The following LARP1B variants were observed in gnomAD, a reference collection of about 807,000 sequenced individuals.
LARP1B encodes the protein la-related protein 1B.
LARP1B carries 76 observed loss-of-function variants against 114.2 expected under a neutral mutation model. The ratio of observed to expected loss-of-function variants is 0.67; its 90% CI spans 0.55 to 0.81. The LOEUF (loss-of-function observed/expected upper bound fraction) is 0.81. Ranked by LOEUF, LARP1B falls within the 30% of genes least tolerant of loss-of-function variation. LARP1B has a pLI of 0.00. For synonymous variants in LARP1B, 345 were observed against 348.0 expected, an observed-to-expected ratio of 0.99 and a Z score of 0.10; for missense variants, 1,014 against 1,075.8, an observed-to-expected ratio of 0.94 and a Z score of 0.80.
intron 11 of LARP1B, among the ~76,000 whole-genome samples, chr4:128,136,002 A>C (rs1254038159): frequency 6.6e-6 from 1 of 152,108 alleles, no homozygotes; most frequent in Non-Finnish European, 1.5e-5. Context: ...AGAAAACTTA[A>C]TACACATAGG....
intron 12 of LARP1B, among the ~76,000 whole-genome samples, chr4:128,173,576 G>A (rs574517600): frequency 6.6e-6 from 1 of 152,210 alleles, no homozygotes; most frequent in Non-Finnish European, 1.5e-5. Flanking sequence ...GATAAAATTT[G>A]GAAAATCTTA....
At chr4:128,147,430 G>C (rs1487282779) in intron 11 of LARP1B, among the ~76,000 whole-genome samples, 1 of 152,122 alleles carries the variant, frequency 6.6e-6, no homozygotes, top group East Asian at 1.9e-4. Context: ...GCAATATTTG[G>C]ATATATGTAC....
At chr4:128,122,679 T>C in intron 11 of LARP1B, 1 of 1,334,614 alleles carries the variant, frequency 7.5e-7, no homozygotes, top group African/African-American at 1.5e-5. Context: ...GTGGAAATGG[T>C]TGTGGACAAA....
chr4:128,155,493 C>T, intron 11 of LARP1B: 1 of 787,366 alleles, frequency 1.3e-6, no homozygotes, highest in Middle Eastern at 2.3e-4. Context: ...AGCAGAAGTT[C>T]CACCTCGTGC....
At chr4:128,220,664 TTGCTTTGGTA>T (rs1253928447) in intron 7 of LARP1B, among the ~76,000 whole-genome samples, 7 of 152,216 alleles carry the variant, frequency 4.6e-5, no homozygotes, top group African/African-American at 1.7e-4. Context: ...GGAAATACTT[TTGCTTTGGTA>T]TTGTCCTTTC....
intron 6 of LARP1B, among the ~76,000 whole-genome samples, chr4:128,217,021 G>A (rs1192479440): frequency 2.0e-5 from 3 of 151,136 alleles, no homozygotes; most frequent in Non-Finnish European, 4.4e-5. Flanking sequence ...ACAACTCTAC[G>A]CAAATAAACT....
chr4:128,146,791 T>C (rs143985088), intron 11 of LARP1B, among the ~76,000 whole-genome samples: 25 of 152,324 alleles, frequency 1.6e-4, no homozygotes, highest in African/African-American at 5.5e-4. Context: ...AGAACAGTTA[T>C]TTAAAAATAG....
chr4:128,200,969 G>C (rs1053173719), intron 17 of LARP1B, among the ~76,000 whole-genome samples: 22 of 152,204 alleles, frequency 1.4e-4, no homozygotes, highest in African/African-American at 4.8e-4. Flanking sequence ...TCTGGCTTAT[G>C]GTTTCTCATG....
At chr4:128,222,508 A>G (rs747779297) in exon 8 of LARP1B, 2 of 326,434 alleles carry the variant, frequency 6.1e-6, no homozygotes, top group Non-Finnish European at 1.3e-5. Flanking sequence ...CATCTTACAA[A>G]CCATATTTCT....
intron 5 of LARP1B, 76 bp downstream of exon 5, chr4:128,082,381 T>C (rs1400359520): frequency 7.6e-7 from 1 of 1,312,346 alleles, no homozygotes; most frequent in African/African-American, 1.5e-5. Flanking sequence ...TAACCACATG[T>C]ATAAACCATT....
intron 15 of LARP1B, among the ~76,000 whole-genome samples, chr4:128,181,499 C>A (rs1748374560): frequency 6.6e-6 from 1 of 152,006 alleles, no homozygotes; most frequent in South Asian, 2.1e-4. Context: ...ATTCTTCATT[C>A]TTTTTTCTCT....
intron 7 of LARP1B, among the ~76,000 whole-genome samples, chr4:128,095,573 A>C (rs918137027): frequency 1.2e-4 from 18 of 151,734 alleles, no homozygotes; most frequent in Admixed American, 2.6e-4. Flanking sequence ...TCTTTGAGAG[A>C]GCTTTGCACT....
chr4:128,208,989 A>G (rs1362683181), intron 19 of LARP1B, among the ~76,000 whole-genome samples: 1 of 152,228 alleles, frequency 6.6e-6, no homozygotes, highest in Non-Finnish European at 1.5e-5. Context: ...TGGAAATACA[A>G]ATCCTTTACA....
chr4:128,105,663 G>A (rs944901823), intron 8 of LARP1B, among the ~76,000 whole-genome samples: 10 of 152,080 alleles, frequency 6.6e-5, no homozygotes, highest in East Asian at 5.8e-4. Flanking sequence ...AGGCCGAGGC[G>A]GGTGGATCAT....
intron 7 of LARP1B, among the ~76,000 whole-genome samples, chr4:128,220,687 T>C (rs1759948428): frequency 6.6e-6 from 1 of 152,238 alleles, no homozygotes; most frequent in South Asian, 2.1e-4. Context: ...GTCCTTTCAC[T>C]TAAGAGTTTG....
chr4:128,124,939 T>G (rs1268493248), intron 11 of LARP1B, among the ~76,000 whole-genome samples: 1 of 152,218 alleles, frequency 6.6e-6, no homozygotes, highest in East Asian at 1.9e-4. Flanking sequence ...TAGGGCAGTT[T>G]AGTACTCATT....
chr4:128,107,253 T>C lies in LARP1B; in HGVS notation c.928T>C (p.Phe310Leu), dbSNP rs1782427197. Reference sequence around the variant, plus strand: ...TCCACGCAGTGTGCCACCAACAGACTTCTCTCAACTGATTGATTGTCCAGA... The same window carrying C: ...TCCACGCAGTGTGCCACCAACAGACCTCTCTCAACTGATTGATTGTCCAGA... ...PPPRSVPPTDFSQLIDCPEFV... is the reference protein window; with the variant it reads ...PPPRSVPPTDLSQLIDCPEFV... Residue 310 changes from phenylalanine (F) to leucine (L), a missense_variant, in exon 9 of 20, where the codon TTC becomes CTC. Transcript: ENST00000326639. 2 of 1,614,178 alleles carry C rather than the reference T, an allele frequency of 1.2e-6. No homozygotes were observed. Among genetic ancestry groups the C allele is most frequent in the African/African-American group, 2.7e-5 (2 of 75,072 alleles).
rs760851855 is a variant in LARP1B at position 128,107,358 on chromosome 4, T to G, written c.988+45T>G. Reference sequence around the variant, plus strand: ...AGCAAACGATGTAACAGTGGGTTATTTGGTCCAATTTACTTACTTATTTAT... The same window carrying G: ...AGCAAACGATGTAACAGTGGGTTATGTGGTCCAATTTACTTACTTATTTAT... On this transcript the variant is annotated intron_variant, in intron 9 of 19. Transcript: ENST00000326639. 30 of 1,599,974 alleles carry G rather than the reference T, an allele frequency of 1.9e-5. No homozygotes were observed. In the Admixed American group the frequency reaches 3.6e-4, roughly 19 times the overall value.
intron 18 of LARP1B, chr4:128,206,961 C>A: frequency 4.9e-6 from 2 of 410,612 alleles, no homozygotes; most frequent in Non-Finnish European, 6.6e-6. Flanking sequence ...AAATTGCCTA[C>A]CCTTGCTAGC....
Sources: allele counts gnomAD v4.1 joint callset (sites outside exome capture counted in the v4.1 genomes callset), GRCh38; gene constraint gnomAD v4.1.1; transcripts MANE v1.5; gene names NCBI Gene and HGNC (gene_info 2026-07-23, HGNC 2026-07-21).